ZFPM2: variants seen among roughly 807,000 people sequenced by gnomAD.
ZFPM2 encodes zinc finger protein ZFPM2.
A neutral mutation model predicts 98.6 loss-of-function variants in ZFPM2; 20 were observed. That is an observed-to-expected ratio of 0.20 (90% CI 0.14 to 0.29). The LOEUF (loss-of-function observed/expected upper bound fraction) is 0.29, where lower values mean the gene tolerates loss of function less well. Ranked by LOEUF, ZFPM2 falls within the 10% of genes least tolerant of loss-of-function variation. The pLI is 1.00. For synonymous variants in ZFPM2, 518 were observed against 502.7 expected (o/e 1.03, Z -0.41); for missense variants, 1,310 against 1,388.6 (o/e 0.94, Z 0.90).
intron 3 of ZFPM2, among the ~76,000 whole-genome samples, chr8:105,476,271 A>G (rs1813010770): frequency 6.6e-6 from 1 of 152,168 alleles, no homozygotes. Flanking sequence ...CGGGCTGCAC[A>G]GCAGGTGAGT....
chr8:105,418,792 C>T, intron 1 of ZFPM2: 1 of 515,614 alleles, frequency 1.9e-6, no homozygotes, highest in South Asian at 1.5e-5. Flanking sequence ...GACTTGTACT[C>T]TTTACCAGAT....
At chr8:105,339,753 A>T (rs1224552828) in intron 1 of ZFPM2, among the ~76,000 whole-genome samples, 2 of 151,916 alleles carry the variant, frequency 1.3e-5, no homozygotes, top group Non-Finnish European at 2.9e-5. Context: ...TGAATGGTTG[A>T]CATCTCTCTC....
intron 5 of ZFPM2, among the ~76,000 whole-genome samples, chr8:105,683,405 G>A (rs1810656982): frequency 6.6e-6 from 1 of 152,046 alleles, no homozygotes; most frequent in Admixed American, 6.6e-5. Flanking sequence ...ACAGCCTCGT[G>A]GAATCAAGAC....
chr8:105,588,585 G>T (rs1251091101), intron 4 of ZFPM2, among the ~76,000 whole-genome samples: 1 of 152,184 alleles, frequency 6.6e-6, no homozygotes, highest in Non-Finnish European at 1.5e-5. Flanking sequence ...AGGAGCCACT[G>T]CTCTGTGGGG....
At chr8:105,502,878 C>T (rs562387204) in intron 3 of ZFPM2, among the ~76,000 whole-genome samples, 1 of 152,246 alleles carries the variant, frequency 6.6e-6, no homozygotes, top group Non-Finnish European at 1.5e-5. Context: ...AGCTACTAGT[C>T]ATCATCCACA....
intron 5 of ZFPM2, among the ~76,000 whole-genome samples, chr8:105,709,557 C>T (rs1811332962): frequency 6.6e-6 from 1 of 152,052 alleles, no homozygotes; most frequent in African/African-American, 2.4e-5. Context: ...TATGCCACTA[C>T]TTACAGTACT....
chr8:105,422,220 C>T (rs1267823753), intron 2 of ZFPM2, among the ~76,000 whole-genome samples: 8 of 152,018 alleles, frequency 5.3e-5, no homozygotes, highest in Admixed American at 3.9e-4. Context: ...GGCGGATCAC[C>T]TGAGGTCAGG....
intron 5 of ZFPM2, chr8:105,691,013 G>T (rs993777933): frequency 6.6e-6 from 1 of 152,186 alleles, no homozygotes; most frequent in South Asian, 2.1e-4. Flanking sequence ...GATGGCATTT[G>T]ACCCCAATCT....
intron 5 of ZFPM2, among the ~76,000 whole-genome samples, chr8:105,725,599 A>T (rs576348434): frequency 6.6e-6 from 1 of 151,832 alleles, no homozygotes; most frequent in South Asian, 2.1e-4. Flanking sequence ...TGGTAACCTC[A>T]CCCCAAATTC....
chr8:105,712,543 A>T (rs28718805), intron 5 of ZFPM2, among the ~76,000 whole-genome samples: 2 of 151,668 alleles, frequency 1.3e-5, no homozygotes, highest in African/African-American at 2.4e-5. Context: ...ACTACAAGCC[A>T]TTTTTTTTGT....
intron 2 of ZFPM2, among the ~76,000 whole-genome samples, chr8:105,442,899 G>GTT (rs145127235): frequency 0.045 from 6,650 of 149,110 alleles, 527 homozygotes; most frequent in African/African-American, 0.15. Context: ...GAAGTTCAGT[G>GTT]TTTTTTTTTT....
chr8:105,492,480 A>T (rs1813375756), intron 3 of ZFPM2, among the ~76,000 whole-genome samples: 1 of 152,150 alleles, frequency 6.6e-6, no homozygotes, highest in African/African-American at 2.4e-5. Context: ...TTCACTTCTT[A>T]AGAAGAAAAG....
chr8:105,430,730 C>G (rs1282800080), intron 2 of ZFPM2, among the ~76,000 whole-genome samples: 4 of 152,002 alleles, frequency 2.6e-5, no homozygotes, highest in African/African-American at 9.7e-5. Context: ...TTGGGACTGT[C>G]TCTGGTGTTG....
At chr8:105,763,976 C>G (rs765426861) in intron 5 of ZFPM2, among the ~76,000 whole-genome samples, 2 of 151,678 alleles carry the variant, frequency 1.3e-5, no homozygotes, top group Non-Finnish European at 2.9e-5. Flanking sequence ...TCTGCTCTTC[C>G]CAGAAACTGA....
chr8:105,691,343 G>T (rs1169364076), intron 5 of ZFPM2, among the ~76,000 whole-genome samples: 1 of 127,976 alleles, frequency 7.8e-6, no homozygotes, highest in Non-Finnish European at 1.7e-5. Flanking sequence ...CCGCTTCCCG[G>T]GTTCACGCCA....
chr8:105,676,540 ATTCTT>A (rs1332077549), intron 5 of ZFPM2, among the ~76,000 whole-genome samples: 5 of 152,110 alleles, frequency 3.3e-5, no homozygotes, highest in African/African-American at 1.2e-4. Context: ...CAGCGTCAGC[ATTCTT>A]TTCATCTGTT....
intron 5 of ZFPM2, among the ~76,000 whole-genome samples, chr8:105,720,504 C>G (rs1483807855): frequency 6.6e-6 from 1 of 151,626 alleles, no homozygotes; most frequent in Non-Finnish European, 1.5e-5. Context: ...TCTAGGTTAC[C>G]TTGTATTGTG....
At chr8:105,382,947 A>G (rs1376263869) in intron 1 of ZFPM2, among the ~76,000 whole-genome samples, 1 of 152,138 alleles carries the variant, frequency 6.6e-6, no homozygotes, top group Non-Finnish European at 1.5e-5. Context: ...GAAATCTAAT[A>G]TCTAGTTATG....
At chr8:105,744,394 A>G (rs1812295434) in intron 5 of ZFPM2, among the ~76,000 whole-genome samples, 1 of 152,146 alleles carries the variant, frequency 6.6e-6, no homozygotes, top group Admixed American at 6.5e-5. Context: ...TCTCTTGCTT[A>G]TCACATATGC....
Sources: allele counts gnomAD v4.1 joint callset (sites outside exome capture counted in the v4.1 genomes callset), GRCh38; gene constraint gnomAD v4.1.1; transcripts MANE v1.5; gene names NCBI Gene and HGNC (gene_info 2026-07-23, HGNC 2026-07-21).